SMARCAL1: variants seen among roughly 807,000 people sequenced by gnomAD.
SMARCAL1 encodes SNF2 related chromatin remodeling annealing helicase 1, also known as ATP-driven annealing helicase.
Under a neutral mutation model 94.5 loss-of-function variants are expected in SMARCAL1, and 58 were observed. The ratio of observed to expected loss-of-function variants is 0.61; its 90% CI spans 0.50 to 0.76. The LOEUF (loss-of-function observed/expected upper bound fraction) is 0.76, where lower values mean the gene tolerates loss of function less well. Ranked by LOEUF, SMARCAL1 falls within the 30% of genes least tolerant of loss-of-function variation. The probability of loss-of-function intolerance (pLI) is 0.00; values close to 1 mark genes in which losing one functional copy is unlikely to be tolerated. For synonymous variants in SMARCAL1, 422 were observed against 455.1 expected (o/e 0.93, Z 0.93); for missense variants, 1,051 against 1,177.9 (o/e 0.89, Z 1.58).
At position 216,468,007 on chromosome 2, in the gene SMARCAL1, G is replaced by C. The variant is rs1349062801; in HGVS notation, c.2205G>C (p.Lys735Asn). 6.2e-7 allele frequency: 1 copy of C among 1,613,906 alleles called. No individual in the cohort carries two copies. ...REKFLVFAHH[K>N]VVLDAITQEL... ...AGTTTTTAGTATTTGCACACCATAA[G>C]GTGGTCCTGGACGCAATTACGCAAG... is the stretch of plus-strand genomic sequence containing the variant. Residue 735 changes from lysine (K) to asparagine (N), a missense_variant, in exon 14 of 18, where the codon AAG becomes AAC. Coordinates refer to ENST00000357276, the MANE Select transcript of SMARCAL1 (RefSeq NM_014140.4).
At chr2:216,446,894 G>T in intron 10 of SMARCAL1, 124 bp from the exon 11 acceptor site, 2 of 1,082,552 alleles carry the variant, frequency 1.8e-6, no homozygotes, top group South Asian at 1.3e-5. Context: ...ATGCCATTAG[G>T]TTCTCGCGAC....
chr2:216,437,775 G>A (rs1240463032), intron 9 of SMARCAL1, among the ~76,000 whole-genome samples: 1 of 151,114 alleles, frequency 6.6e-6, no homozygotes, highest in Non-Finnish European at 1.5e-5. Flanking sequence ...AAAGAATAAA[G>A]AAAAACAAAC....
rs1694804387 is a variant in SMARCAL1 at position 216,465,094 on chromosome 2, AG to A, written c.2141+428del. On this transcript the variant is annotated intron_variant, in intron 13 of 17. Transcript: ENST00000357276. ...AGGGAGGACGGTCGAGGCTGCAGTG[AG>A]CTAAGGTGGTGCCACTGCACTCCAG... Among the ~76,000 whole-genome samples the A allele has an allele frequency of 2.0e-5, 3 of 152,336 alleles. No individual in the cohort carries two copies. In the South Asian group the frequency reaches 6.2e-4, roughly 32 times the overall value.
At chr2:216,478,342 G>A (rs1695132672) in intron 17 of SMARCAL1, 43 bp downstream of exon 17, 3 of 1,467,604 alleles carry the variant, frequency 2.0e-6, no homozygotes, top group South Asian at 2.3e-5. Flanking sequence ...GCAGAGGGAG[G>A]CATTAAGCTG....
chr2:216,451,288 T>G (rs1393216825), intron 12 of SMARCAL1: 9 of 544,482 alleles, frequency 1.7e-5, no homozygotes, highest in Admixed American at 2.9e-5. Flanking sequence ...AGATCGCTGT[T>G]GATGGATGGC....
chr2:216,416,702 GTT>G (rs1693611677), intron 4 of SMARCAL1, among the ~76,000 whole-genome samples: 1 of 152,170 alleles, frequency 6.6e-6, no homozygotes, highest in South Asian at 2.1e-4. Flanking sequence ...CAGACTACAC[GTT>G]CCCACCAGAC....
At position 216,447,049 on chromosome 2, in the gene SMARCAL1, C is replaced by T; in HGVS notation, c.1742C>T (p.Thr581Ile). ...AAGAGGGTGATCCTGTTGTCGGGCA[C>T]ACCAGCCATGTCCCGGCCCGCAGAG... ...VAKRVILLSG[T>I]PAMSRPAELY... is the part of the protein sequence containing the mutation. The change falls in exon 11 of 18, where the codon ACA becomes ATA. Residue 581 changes from threonine to isoleucine, a missense_variant. Transcript: ENST00000357276. 1 of 1,604,694 alleles carries T rather than the reference C, an allele frequency of 6.2e-7. No homozygotes were observed. Among genetic ancestry groups the T allele is most frequent in the East Asian group, 2.3e-5 (1 of 44,400 alleles).
Position 216,447,132 on chromosome 2 carries a change from G to A in SMARCAL1, c.1825G>A (p.Gly609Arg), listed in dbSNP as rs542310918. 6.2e-7 allele frequency: 1 copy of A among 1,613,994 alleles called. No homozygotes were observed. Among genetic ancestry groups the A allele is most frequent in the East Asian group, 2.2e-5 (1 of 44,844 alleles). Residue 609 changes from glycine to arginine, a missense_variant, in exon 11 of 18, where the codon GGA (glycine) becomes AGA (arginine). Around this residue, in one of 3 missense-constraint regions of SMARCAL1, gnomAD observed 642 missense variants for 754.7 expected, o/e 0.85. Transcript: ENST00000357276. ...TTTCTTCCCCCAGTTTCATGCCTTTGGACTTCGCTACTGTGATGCCAAACG... is the reference window on the plus strand; with the variant it reads ...TTTCTTCCCCCAGTTTCATGCCTTTAGACTTCGCTACTGTGATGCCAAACG... Reference protein sequence around the residue: ...PTFFPQFHAFGLRYCDAKRMP... With the variant: ...PTFFPQFHAFRLRYCDAKRMP...
chr2:216,428,500 T>A, intron 6 of SMARCAL1, 96 bp from the exon 7 acceptor site: 1 of 1,214,298 alleles, frequency 8.2e-7, no homozygotes. Flanking sequence ...AGGACCAGCA[T>A]CACTGGAAGG....
rs1393646065 is a variant in SMARCAL1 at position 216,467,976 on chromosome 2, G to A, written c.2174G>A (p.Arg725Lys). 2.5e-6 allele frequency: 4 copies of A among 1,613,560 alleles called. No individual in the cohort carries two copies. The highest frequency in any genetic ancestry group is 1.6e-4 in the Middle Eastern group (1 of 6,062). The change falls in exon 14 of 18, where the codon AGA becomes AAA. Residue 725 changes from arginine (R) to lysine (K), a missense_variant. By Grantham distance (26) the Arg-to-Lys change is conservative. Coordinates refer to ENST00000357276, the MANE Select transcript of SMARCAL1 (RefSeq NM_014140.4). Reference sequence around the variant, plus strand: ...ATCTTGGACCTACTGGAAAGTGGAAGAGAGAAGTTTTTAGTATTTGCACAC... The same window carrying A: ...ATCTTGGACCTACTGGAAAGTGGAAAAGAGAAGTTTTTAGTATTTGCACAC... Reference protein sequence around the residue: ...EYILDLLESGREKFLVFAHHK... With the variant: ...EYILDLLESGKEKFLVFAHHK...
chr2:216,414,647 C>T lies in SMARCAL1; in HGVS notation c.-58C>T, dbSNP rs1456169097. 2.7e-6 allele frequency: 4 copies of T among 1,463,934 alleles called. No homozygotes were observed. Among genetic ancestry groups the T allele is most frequent in the Non-Finnish European group, 3.8e-6 (4 of 1,044,066 alleles). 90.7% of individuals were successfully genotyped at this position (1,463,934 alleles called of 1,614,324 possible). On this transcript the variant is annotated splice_region_variant and 5_prime_UTR_variant, in exon 3 of 18. Transcript: ENST00000357276. Reference sequence around the variant, plus strand: ...TCATTCTTCTTACTTTCTTCCACAGCTTTTGCCAACTTTCCAATTAAAGGT... The same window carrying T: ...TCATTCTTCTTACTTTCTTCCACAGTTTTTGCCAACTTTCCAATTAAAGGT...
chr2:216,418,479 T>C (rs939833398), intron 4 of SMARCAL1, among the ~76,000 whole-genome samples: 1 of 152,230 alleles, frequency 6.6e-6, no homozygotes, highest in African/African-American at 2.4e-5. Context: ...TTTCTAAGTT[T>C]CAGATAGGTT....
intron 12 of SMARCAL1, among the ~76,000 whole-genome samples, chr2:216,452,489 A>ATT (rs3836028): frequency 4.6e-5 from 7 of 151,358 alleles, no homozygotes; most frequent in Admixed American, 2.6e-4. Flanking sequence ...ATAAAATGTT[A>ATT]TTTTTTTTGC....
chr2:216,467,018 C>T (rs1160240260), intron 13 of SMARCAL1, among the ~76,000 whole-genome samples: 1 of 152,128 alleles, frequency 6.6e-6, no homozygotes, highest in Non-Finnish European at 1.5e-5. Context: ...AGCAAAGGAG[C>T]TCACTTGCCT....
At chr2:216,445,560 T>C (rs1349946792) in intron 10 of SMARCAL1, among the ~76,000 whole-genome samples, 1 of 152,098 alleles carries the variant, frequency 6.6e-6, no homozygotes, top group Non-Finnish European at 1.5e-5. Context: ...ACATGAAGAA[T>C]AGGTTTGGGG....
At position 216,446,886 on chromosome 2, in the gene SMARCAL1, G is replaced by A. The variant is rs2738284; in HGVS notation, c.1711-132G>A. ...CCATCTAACTGCTTGCATTGGCAAT[G>A]CCATTAGGTTCTCGCGACACGCACG... On this transcript the variant is annotated intron_variant, in intron 10 of 17. Transcript: ENST00000357276. 0.3 allele frequency: 289,537 copies of A among 962,428 alleles called. 46,591 individuals carry two copies. The highest frequency in any genetic ancestry group is 0.32 in the Non-Finnish European group (199,654 of 614,494). 59.6% of individuals were successfully genotyped at this position (962,428 alleles called of 1,614,324 possible).
In SMARCAL1 at chr2:216,450,921, C is replaced by A; in HGVS notation, c.1927C>A (p.Leu643Met). ...GCTCCTGCTGGAGGAAGCAGTCATG[C>A]TGCGGCGCCTCAAGTCCGACGTCCT... is the stretch of plus-strand genomic sequence containing the variant. ...LKLLLEEAVM[L>M]RRLKSDVLSQ... The change falls in exon 12 of 18, where the codon CTG becomes ATG. Residue 643 changes from leucine (L) to methionine (M), a missense_variant. This residue lies in a region of SMARCAL1 where 642 missense variants were observed against 754.7 expected (regional missense o/e 0.85). Transcript: ENST00000357276. The A allele has an allele frequency of 6.2e-7, 1 of 1,614,222 alleles. No individual in the cohort carries two copies. The highest frequency in any genetic ancestry group is 8.5e-7 in the Non-Finnish European group (1 of 1,180,040).
chr2:216,480,436 A>G (rs2106092183), intron 17 of SMARCAL1, among the ~76,000 whole-genome samples: 1 of 152,320 alleles, frequency 6.6e-6, no homozygotes, highest in African/African-American at 2.4e-5. Flanking sequence ...ATCATAATCA[A>G]ATGCACATTA....
chr2:216,439,580 G>A (rs1056931057), intron 10 of SMARCAL1, among the ~76,000 whole-genome samples: 1 of 152,110 alleles, frequency 6.6e-6, no homozygotes, highest in African/African-American at 2.4e-5. Flanking sequence ...CTAAACTAGG[G>A]AAAACAAATA....
Sources: gnomAD v4.1 joint callset for allele counts (sites outside exome capture counted in the v4.1 genomes callset) on GRCh38, gnomAD v4.1.1 for gene constraint, gnomAD v4.1.1 regional missense constraint, MANE v1.5 for transcripts, NCBI Gene and HGNC (gene_info 2026-07-23, HGNC 2026-07-21) for gene names.